Variants in MINDY3 observed in about 807,000 individuals in gnomAD.
MINDY3 encodes the protein MINDY lysine 48 deubiquitinase 3, also known as ubiquitin carboxyl-terminal hydrolase MINDY-3.
MINDY3 carries 38 observed loss-of-function variants against 69.2 expected under a neutral mutation model. The ratio of observed to expected loss-of-function variants is 0.55; its 90% CI spans 0.42 to 0.72. The LOEUF (loss-of-function observed/expected upper bound fraction) is 0.72. Ranked by LOEUF, MINDY3 falls within the 30% of genes least tolerant of loss-of-function variation. MINDY3 has a pLI of 0.00. For synonymous variants in MINDY3, 192 were observed against 180.1 expected (o/e 1.07, Z -0.53); for missense variants, 522 against 519.0 (o/e 1.01, Z -0.06).
chr10:15,799,243 AG>A (rs1181640838), intron 10 of MINDY3, among the ~76,000 whole-genome samples: 1 of 152,162 alleles, frequency 6.6e-6, no homozygotes, highest in Non-Finnish European at 1.5e-5. Context: ...TCTGTTGCCC[AG>A]GCTGGAGTGC....
At chr10:15,792,118 T>A (rs932505992) in intron 11 of MINDY3, among the ~76,000 whole-genome samples, 7 of 151,792 alleles carry the variant, frequency 4.6e-5, no homozygotes, top group South Asian at 4.2e-4. Context: ...AAAAAAAAAA[T>A]AGAATTTAAT....
chr10:15,825,045 T>C (rs772763799), intron 8 of MINDY3, among the ~76,000 whole-genome samples: 2 of 152,222 alleles, frequency 1.3e-5, no homozygotes, highest in South Asian at 2.1e-4. Flanking sequence ...TTACGATTTA[T>C]AGAATTTATT....
intron 2 of MINDY3, 118 bp from the exon 3 acceptor site, chr10:15,843,390 C>T: frequency 1.2e-6 from 1 of 804,066 alleles, no homozygotes; most frequent in Admixed American, 2.1e-5. Context: ...TTGACTAGTT[C>T]TGTAAAGATG....
intron 6 of MINDY3, among the ~76,000 whole-genome samples, chr10:15,836,289 A>C (rs943264911): frequency 8.6e-5 from 13 of 152,036 alleles, no homozygotes; most frequent in Non-Finnish European, 1.3e-4. Flanking sequence ...TCATGCATCA[A>C]GGTCCTATCT....
intron 10 of MINDY3, 44 bp from the exon 11 acceptor site, chr10:15,796,216 G>A (rs747711854): frequency 1.3e-5 from 20 of 1,507,794 alleles, no homozygotes; most frequent in Non-Finnish European, 1.8e-5. Flanking sequence ...ACAGTATTAT[G>A]ACATTAAAAA....
intron 1 of MINDY3, among the ~76,000 whole-genome samples, chr10:15,859,431 C>T (rs536194972): frequency 6.6e-6 from 1 of 152,246 alleles, no homozygotes; most frequent in Admixed American, 6.5e-5. Flanking sequence ...AGTTGTTTGC[C>T]TATCCAAACT....
chr10:15,849,863 A>G (rs1184735866), intron 1 of MINDY3, among the ~76,000 whole-genome samples: 2 of 152,194 alleles, frequency 1.3e-5, no homozygotes, highest in Non-Finnish European at 2.9e-5. Flanking sequence ...TTGTCCTCCC[A>G]AAGTCCAGCT....
intron 8 of MINDY3, among the ~76,000 whole-genome samples, chr10:15,830,518 A>G (rs1311536405): frequency 6.6e-6 from 1 of 152,250 alleles, no homozygotes; most frequent in East Asian, 1.9e-4. Flanking sequence ...TGCCTCTTAC[A>G]CTACATGTTA....
At chr10:15,848,633 C>CAAAAAAAAAAAAAAAAAAAAAA (rs10719399) in intron 1 of MINDY3, among the ~76,000 whole-genome samples, 18 of 48,798 alleles carry the variant, frequency 3.7e-4, no homozygotes, top group African/African-American at 2.1e-3. Context: ...GACTTCATCT[C>CAAAAAAAAAAAAAAAAAAAAAA]AAAAAAAAAA....
intron 10 of MINDY3, among the ~76,000 whole-genome samples, chr10:15,800,453 T>A (rs751474147): frequency 1.3e-5 from 2 of 152,132 alleles, no homozygotes; most frequent in African/African-American, 4.8e-5. Flanking sequence ...TTGTGTTGTA[T>A]CTGCTCAGAG....
intron 13 of MINDY3, among the ~76,000 whole-genome samples, chr10:15,785,911 A>G (rs1836922154): frequency 6.6e-6 from 1 of 152,210 alleles, no homozygotes; most frequent in African/African-American, 2.4e-5. Context: ...GATATCTGAT[A>G]AAATGACCAT....
chr10:15,795,548 C>T (rs538792552), intron 11 of MINDY3, among the ~76,000 whole-genome samples: 9 of 152,108 alleles, frequency 5.9e-5, no homozygotes, highest in South Asian at 2.1e-4. Flanking sequence ...AAGTCTTAAC[C>T]GTTACCTAAA....
chr10:15,784,119 A>G (rs2093688178), intron 13 of MINDY3, among the ~76,000 whole-genome samples: 1 of 152,186 alleles, frequency 6.6e-6, no homozygotes, highest in African/African-American at 2.4e-5. Context: ...ATGACCTTCA[A>G]CAATCGTCTT....
At chr10:15,848,814 T>C (rs185608905) in intron 1 of MINDY3, among the ~76,000 whole-genome samples, 47 of 152,274 alleles carry the variant, frequency 3.1e-4, no homozygotes, top group African/African-American at 1.1e-3. Flanking sequence ...CCAGTGACCA[T>C]CTGGATAACC....
chr10:15,845,657 T>C (rs990231202), intron 2 of MINDY3, among the ~76,000 whole-genome samples: 6 of 150,866 alleles, frequency 4.0e-5, no homozygotes, highest in African/African-American at 1.5e-4. Context: ...CACTACCATG[T>C]CCAGCTAATT....
At chr10:15,793,245 A>T (rs1195096112) in intron 11 of MINDY3, among the ~76,000 whole-genome samples, 1 of 152,168 alleles carries the variant, frequency 6.6e-6, no homozygotes, top group African/African-American at 2.4e-5. Context: ...GAACACTTTG[A>T]ATAGACCTGA....
At chr10:15,808,442 G>A (rs984535410) in intron 10 of MINDY3, among the ~76,000 whole-genome samples, 2 of 152,074 alleles carry the variant, frequency 1.3e-5, no homozygotes, top group South Asian at 2.1e-4. Context: ...GAGAAATGTC[G>A]ATGTAGAACT....
intron 12 of MINDY3, chr10:15,788,773 G>A (rs192321531): frequency 6.5e-6 from 1 of 153,230 alleles, no homozygotes; most frequent in Admixed American, 6.5e-5. Flanking sequence ...ATAATATATT[G>A]CAGCCATCCC....
chr10:15,831,677 T>C (rs938647563), intron 8 of MINDY3, among the ~76,000 whole-genome samples: 32 of 146,912 alleles, frequency 2.2e-4, no homozygotes, highest in East Asian at 3.9e-4. Flanking sequence ...CCTTTTCTTT[T>C]TTTTTTTTTT....
Sources: gnomAD v4.1 joint callset for allele counts (sites outside exome capture counted in the v4.1 genomes callset) on GRCh38, gnomAD v4.1.1 for gene constraint, MANE v1.5 for transcripts, NCBI Gene and HGNC (gene_info 2026-07-23, HGNC 2026-07-21) for gene names.